Variants in ZFAND5 observed in about 807,000 individuals in gnomAD.
ZFAND5 encodes zinc finger AN1-type containing 5.
A neutral mutation model predicts 23.6 loss-of-function variants in ZFAND5; 4 were observed. That is an observed-to-expected ratio of 0.17 (90% confidence interval 0.08 to 0.39). ZFAND5 has a LOEUF of 0.39. Among genes scored for constraint, ZFAND5 ranks in the 10% least tolerant of loss-of-function variants. The pLI is 1.00. For missense variants in ZFAND5, 161 were observed against 253.7 expected, an observed-to-expected ratio of 0.63 and a Z score of 2.48; for synonymous variants, 68 against 80.6, an observed-to-expected ratio of 0.84 and a Z score of 0.84.
At chr9:72,363,933 C>T (rs371387947) in intron 1 of ZFAND5, 1 of 152,820 alleles carries the variant, frequency 6.5e-6, no homozygotes, top group African/African-American at 2.4e-5. Context: ...AAACACACCT[C>T]CACGGAGTGC....
At chr9:72,363,763 G>A (rs1238790918) in intron 1 of ZFAND5, 157 bp from the exon 2 acceptor site, 5 of 497,704 alleles carry the variant, frequency 1.0e-5, no homozygotes, top group East Asian at 1.5e-4. Flanking sequence ...CTAAAAATAA[G>A]GAATAAAATA....
At chr9:72,361,315 C>T (rs775521042) in intron 2 of ZFAND5, among the ~76,000 whole-genome samples, 8 of 151,754 alleles carry the variant, frequency 5.3e-5, no homozygotes, top group Non-Finnish European at 2.9e-5. Context: ...CTTTTTAATG[C>T]TGAAACATCT....
chr9:72,362,302 A>G (rs1057279566), intron 2 of ZFAND5, among the ~76,000 whole-genome samples: 6 of 152,222 alleles, frequency 3.9e-5, no homozygotes, highest in African/African-American at 7.2e-5. Flanking sequence ...AATGAGCATA[A>G]TAGGAGCAAA....
chr9:72,359,804 G>C (rs1207622597), intron 4 of ZFAND5, among the ~76,000 whole-genome samples: 1 of 152,058 alleles, frequency 6.6e-6, no homozygotes, highest in Admixed American at 6.6e-5. Context: ...AGGGCAAAAG[G>C]GCAGCTCTGC....
Position 72,362,749 on chromosome 9 carries a change from T to A in ZFAND5, c.-10+721A>T, listed in dbSNP as rs547604427. 2.4e-4 allele frequency among the ~76,000 whole-genome samples: 36 copies of A among 152,296 alleles called. No individual in the cohort carries two copies. In the South Asian group the frequency reaches 7.5e-3, roughly 32 times the overall value. On this transcript the variant is annotated intron_variant, in intron 2 of 6. Transcript: ENST00000376962. ...ATTTTTTTCCCCTAGAAAGCCAGCT[T>A]TTAAATGCCATCACATGTGCACAGC...
rs1842216133 is a variant in ZFAND5, at chr9:72,364,761, G to C, written c.-212C>G. 2.1e-6 allele frequency: 1 copy of C among 468,938 alleles called. No individual in the cohort carries two copies. The highest frequency in any genetic ancestry group is 2.9e-6 in the Non-Finnish European group (1 of 340,322). The allele number at this position is 468,938 out of a possible 1,614,324, so 29.0% of individuals were successfully genotyped here. On this transcript the variant is annotated 5_prime_UTR_variant, in exon 1 of 7. Coordinates refer to ENST00000376962, the MANE Select transcript of ZFAND5 (RefSeq NM_001102420.3). Reference sequence around the variant, plus strand: ...AGCCGGCACGATGAGGCCGGGCCGAGGCCTCCGGGAAGGCTGAGCCGGGCG... The same window carrying C: ...AGCCGGCACGATGAGGCCGGGCCGACGCCTCCGGGAAGGCTGAGCCGGGCG...
rs1192848645 is a variant in ZFAND5 at position 72,360,182 on chromosome 9, G to A, written c.191C>T (p.Ala64Val). Residue 64 changes from alanine to valine, a missense_variant, in exon 4 of 7, where the codon GCA (alanine) becomes GTA (valine). Ala to Val is a moderately conservative substitution (Grantham distance 64, BLOSUM62 0). This residue lies in a region of ZFAND5 where 116 missense variants were observed against 115.2 expected (regional missense o/e 1.01). Transcript: ENST00000376962. Reference protein sequence around the residue: ...SGSNSPTSDSASVQRADTSLN... With the variant: ...SGSNSPTSDSVSVQRADTSLN... Reference sequence around the variant, plus strand: ...GCTAGTGTCTGCTCTCTGTACAGATGCAGAATCTGAGGTAGGACTGTTGGA... The same window carrying A: ...GCTAGTGTCTGCTCTCTGTACAGATACAGAATCTGAGGTAGGACTGTTGGA... The A allele has an allele frequency of 6.2e-7, 1 of 1,612,978 alleles. No homozygotes were observed. Among genetic ancestry groups the A allele is most frequent in the South Asian group, 1.1e-5 (1 of 90,992 alleles).
chr9:72,361,431 G>A (rs1322482), intron 2 of ZFAND5, among the ~76,000 whole-genome samples: 78,962 of 151,878 alleles, frequency 0.52, 20,532 homozygotes, highest in African/African-American at 0.57. Flanking sequence ...CTCCTTTTAC[G>A]TTCTCCATTT....
chr9:72,364,644 C>T, intron 1 of ZFAND5, 52 bp downstream of exon 1: 1 of 1,161,942 alleles, frequency 8.6e-7, no homozygotes, highest in Non-Finnish European at 1.1e-6. Flanking sequence ...ACTCCCGCCC[C>T]CGGCCCGGCA....
Position 72,360,632 on chromosome 9 carries a change from T to C in ZFAND5, c.147A>G (p.Pro49=). The C allele has an allele frequency of 6.2e-7, 1 of 1,613,924 alleles. No individual in the cohort carries two copies. The highest frequency in any genetic ancestry group is 1.1e-5 in the South Asian group (1 of 91,072). Residue 49 remains proline (P), a synonymous_variant, in exon 3 of 7, where the codon CCA becomes CCG. Transcript: ENST00000376962. ...TTTTCCTTGGAAATAACTTACCCAT[T>C]GGGCTCATTCTGCCACTATTTTGCT... is the stretch of plus-strand genomic sequence containing the variant. ...QRQQNSGRMS[P]MGTASGSNSP...
chr9:72,360,986 A>C (rs1047873905), intron 2 of ZFAND5, among the ~76,000 whole-genome samples, 199 bp from the exon 3 acceptor site: 1 of 152,106 alleles, frequency 6.6e-6, no homozygotes, highest in East Asian at 1.9e-4. Context: ...CCAAAAAAAA[A>C]CCCAAAAAGA....
Position 72,354,560 on chromosome 9 carries a change from A to G in ZFAND5, c.*1393T>C, listed in dbSNP as rs1392660776. ...ACATAAATATGAACTATCTGTACACATCTGCAGGTCTAACTCAGAACTAAG... is the reference window on the plus strand; with the variant it reads ...ACATAAATATGAACTATCTGTACACGTCTGCAGGTCTAACTCAGAACTAAG... On this transcript the variant is annotated 3_prime_UTR_variant, in exon 7 of 7. Transcript: ENST00000376962. The G allele has an allele frequency of 6.6e-6, 1 of 152,654 alleles. No homozygotes were observed. The highest frequency in any genetic ancestry group is 1.5e-5 in the Non-Finnish European group (1 of 68,036). The allele number at this position is 152,654 out of a possible 1,614,324, so 9.5% of individuals were successfully genotyped here.
intron 1 of ZFAND5, chr9:72,364,281 CGA>C (rs2131989415): frequency 2.1e-5 from 13 of 612,516 alleles, no homozygotes; most frequent in Non-Finnish European, 2.7e-5. Flanking sequence ...CCCCGACCCC[CGA>C]CCCCGAACGG....
At chr9:72,364,611 G>A (rs1396234912) in intron 1 of ZFAND5, 85 bp downstream of exon 1, 1 of 1,206,790 alleles carries the variant, frequency 8.3e-7, no homozygotes, top group Non-Finnish European at 1.0e-6. Context: ...TTCGCCATTG[G>A]CCCGCGGCGC....
At chr9:72,362,459 G>A (rs1842132600) in intron 2 of ZFAND5, among the ~76,000 whole-genome samples, 1 of 152,198 alleles carries the variant, frequency 6.6e-6, no homozygotes, top group Non-Finnish European at 1.5e-5. Flanking sequence ...CTGAGGCCCA[G>A]TCTCATGTGA....
intron 5 of ZFAND5, 73 bp downstream of exon 5, chr9:72,359,345 A>C: frequency 6.8e-7 from 1 of 1,477,462 alleles, no homozygotes; most frequent in Non-Finnish European, 9.3e-7. Flanking sequence ...AATGGGAAGG[A>C]AAGAATCCCC....
Position 72,360,130 on chromosome 9 carries a change from G to T in ZFAND5, c.243C>A (p.Gly81=). The change falls in exon 4 of 7, where the codon GGC becomes GGA. Residue 81 remains glycine (G), a synonymous_variant. Coordinates refer to ENST00000376962, the MANE Select transcript of ZFAND5 (RefSeq NM_001102420.3). ...CTTACCTTGATTTTTCAGATGTGCT[G>T]CCAGCAGCACCTTCACAGTTGTTTA... ...TSLNNCEGAA[G]STSEKSRNVP... 6.2e-7 allele frequency: 1 copy of T among 1,610,856 alleles called. No individual in the cohort carries two copies. The highest frequency in any genetic ancestry group is 2.2e-5 in the East Asian group (1 of 44,836).
intron 4 of ZFAND5, among the ~76,000 whole-genome samples, 157 bp from the exon 5 acceptor site, chr9:72,359,678 C>T (rs1842042740): frequency 6.6e-6 from 1 of 152,084 alleles, no homozygotes; most frequent in Non-Finnish European, 1.5e-5. Context: ...ATGCCCAGCA[C>T]AAATGGTTGA....
intron 2 of ZFAND5, among the ~76,000 whole-genome samples, chr9:72,362,369 T>C (rs1842130602): frequency 6.6e-6 from 1 of 152,202 alleles, no homozygotes; most frequent in Non-Finnish European, 1.5e-5. Context: ...GCACAAAATA[T>C]GTGTGAATGT....
Sources: allele counts gnomAD v4.1 joint callset (sites outside exome capture counted in the v4.1 genomes callset), GRCh38; gene constraint gnomAD v4.1.1; regional missense constraint gnomAD v4.1.1; transcripts MANE v1.5; gene names NCBI Gene and HGNC (gene_info 2026-07-23, HGNC 2026-07-21).